TAFA5: variants seen among roughly 807,000 people sequenced by gnomAD.
The protein encoded by TAFA5 is TAFA chemokine like family member 5.
Under a neutral mutation model 15.3 loss-of-function variants are expected in TAFA5, and 6 were observed. The observed-to-expected ratio is 0.39, with a 90% CI of 0.21 to 0.77. The LOEUF (loss-of-function observed/expected upper bound fraction) is 0.77. TAFA5 is among the 30% of genes least tolerant of loss of function. The pLI is 0.41. For synonymous variants in TAFA5, 103 were observed against 80.7 expected, an observed-to-expected ratio of 1.28 and a Z score of -1.48; for missense variants, 161 against 193.1, an observed-to-expected ratio of 0.83 and a Z score of 0.98.
chr22:48,589,896 C>T (rs1016603071), intron 1 of TAFA5, among the ~76,000 whole-genome samples: 1 of 152,078 alleles, frequency 6.6e-6, no homozygotes, highest in Non-Finnish European at 1.5e-5. Flanking sequence ...TGTTTTTAAG[C>T]CACGAGTTTG....
chr22:48,711,707 C>T (rs1026468557), intron 3 of TAFA5, among the ~76,000 whole-genome samples: 2 of 152,210 alleles, frequency 1.3e-5, no homozygotes, highest in African/African-American at 4.8e-5. Context: ...AGAGACTCAG[C>T]GGATACTGAG....
At chr22:48,596,746 G>A (rs1050613788) in intron 1 of TAFA5, among the ~76,000 whole-genome samples, 5 of 152,144 alleles carry the variant, frequency 3.3e-5, no homozygotes, top group Non-Finnish European at 4.4e-5. Flanking sequence ...CACCGAGATC[G>A]TAGCATACAG....
intron 1 of TAFA5, among the ~76,000 whole-genome samples, chr22:48,590,228 C>T (rs555483049): frequency 1.3e-5 from 2 of 152,286 alleles, no homozygotes; most frequent in East Asian, 1.9e-4. Flanking sequence ...CTGGTTTTCC[C>T]GAGGAGATCG....
chr22:48,647,532 G>GA (rs1926909150), intron 2 of TAFA5, among the ~76,000 whole-genome samples: 1 of 152,154 alleles, frequency 6.6e-6, no homozygotes, highest in Non-Finnish European at 1.5e-5. Flanking sequence ...TGAGACCTGG[G>GA]AACCCCACAG....
intron 1 of TAFA5, among the ~76,000 whole-genome samples, chr22:48,535,975 G>A (rs1194881669): frequency 6.6e-6 from 1 of 152,252 alleles, no homozygotes; most frequent in East Asian, 1.9e-4. Context: ...ACGCGTATGG[G>A]CACTCATGCA....
chr22:48,528,512 C>G (rs1921857736), intron 1 of TAFA5, among the ~76,000 whole-genome samples: 1 of 152,160 alleles, frequency 6.6e-6, no homozygotes, highest in Admixed American at 6.5e-5. Flanking sequence ...CGGGGCCCAG[C>G]TCCCATCAAG....
At chr22:48,698,420 G>C (rs1928796298) in intron 2 of TAFA5, among the ~76,000 whole-genome samples, 1 of 151,200 alleles carries the variant, frequency 6.6e-6, no homozygotes, top group Non-Finnish European at 1.5e-5. Context: ...GATAATGATG[G>C]TGGTTGTGAT....
intron 2 of TAFA5, among the ~76,000 whole-genome samples, chr22:48,697,226 G>A (rs1209349111): frequency 6.6e-6 from 1 of 152,186 alleles, no homozygotes; most frequent in Non-Finnish European, 1.5e-5. Context: ...CTAAGGATGA[G>A]AGCCTTCACC....
chr22:48,645,585 C>T (rs1001398874), intron 1 of TAFA5, among the ~76,000 whole-genome samples: 1 of 152,010 alleles, frequency 6.6e-6, no homozygotes, highest in African/African-American at 2.4e-5. Flanking sequence ...ACTCTGCCCC[C>T]GGGGTCCTTC....
At chr22:48,706,223 G>A (rs1929073280) in intron 2 of TAFA5, among the ~76,000 whole-genome samples, 1 of 152,206 alleles carries the variant, frequency 6.6e-6, no homozygotes, top group Admixed American at 6.5e-5. Flanking sequence ...TGAGCCCCAG[G>A]AAGGAGGGAC....
intron 1 of TAFA5, among the ~76,000 whole-genome samples, chr22:48,576,928 C>G (rs989783644): frequency 6.6e-6 from 1 of 152,184 alleles, no homozygotes; most frequent in Admixed American, 6.5e-5. Flanking sequence ...GCCGCCGGGC[C>G]CTCGGTAGAT....
At chr22:48,694,207 C>T (rs1928630840) in intron 2 of TAFA5, among the ~76,000 whole-genome samples, 1 of 152,136 alleles carries the variant, frequency 6.6e-6, no homozygotes, top group African/African-American at 2.4e-5. Flanking sequence ...AATAAAATTC[C>T]AGTAATAAAT....
At chr22:48,636,890 G>T (rs922977666) in intron 1 of TAFA5, among the ~76,000 whole-genome samples, 4 of 152,238 alleles carry the variant, frequency 2.6e-5, no homozygotes, top group African/African-American at 9.6e-5. Flanking sequence ...AGGGCAGAGT[G>T]TAGTCCAGCT....
At chr22:48,518,172 G>C (rs898344089) in intron 1 of TAFA5, among the ~76,000 whole-genome samples, 1 of 152,150 alleles carries the variant, frequency 6.6e-6, no homozygotes, top group African/African-American at 2.4e-5. Context: ...CTCCACCCTC[G>C]GGTCCCAGGA....
intron 1 of TAFA5, among the ~76,000 whole-genome samples, chr22:48,518,875 T>A (rs778937090): frequency 1.3e-5 from 2 of 152,220 alleles, no homozygotes; most frequent in Non-Finnish European, 2.9e-5. Context: ...TTCACTCACC[T>A]GGAGGAGGGA....
At chr22:48,525,396 C>T (rs11090853) in intron 1 of TAFA5, among the ~76,000 whole-genome samples, 3,389 of 152,276 alleles carry the variant, frequency 0.022, 144 homozygotes, top group African/African-American at 0.077. Flanking sequence ...GACAGGTGCC[C>T]GCTGCCTGCT....
At position 48,742,312 on chromosome 22, in the gene TAFA5, C is replaced by T. The variant is rs1052374903; in HGVS notation, c.391-7527C>T. ...GGTTCGGGAAAAGAACTGACCCCCA[C>T]GAGGATGGTCCTGGTGTTGAGAAAC... On this transcript the variant is annotated intron_variant, in intron 3 of 3. Coordinates refer to ENST00000402357, the MANE Select transcript of TAFA5 (RefSeq NM_001082967.3). The surrounding 1 kb of genome is among the most constrained non-coding windows in gnomAD (Gnocchi z 6.2). Among the ~76,000 whole-genome samples the T allele has an allele frequency of 1.3e-5, 2 of 152,216 alleles. No individual in the cohort carries two copies. The highest frequency in any genetic ancestry group is 2.4e-5 in the African/African-American group (1 of 41,458).
intron 3 of TAFA5, among the ~76,000 whole-genome samples, chr22:48,708,977 C>T (rs751732776): frequency 2.6e-4 from 39 of 152,148 alleles, no homozygotes; most frequent in East Asian, 1.4e-3. Context: ...GGGGTTCTAA[C>T]GTAATTCGGG....
Position 48,489,694 on chromosome 22 carries a change from C to G in TAFA5, c.102C>G (p.Ile34Met). 1 of 1,509,502 alleles carries G rather than the reference C, an allele frequency of 6.6e-7. No individual in the cohort carries two copies. The highest frequency in any genetic ancestry group is 1.2e-5 in the South Asian group (1 of 80,498). 93.5% of individuals were successfully genotyped at this position (1,509,502 alleles called of 1,614,324 possible). ...TCATGATCCTGGCCAGCCTGCTCAT[C>G]GCCTACTGCAGTGAGTACCGCGCGG... ...WAFMILASLL[I>M]AYCSQLAAGT... The change falls in exon 1 of 4, where the codon ATC (isoleucine) becomes ATG (methionine). Residue 34 changes from isoleucine to methionine, a missense_variant. Transcript: ENST00000402357. This position sits in a 1 kb window ranked among gnomAD's most constrained non-coding sequence, Gnocchi z 5.5.
Sources: allele counts gnomAD v4.1 joint callset (sites outside exome capture counted in the v4.1 genomes callset), GRCh38; gene constraint gnomAD v4.1.1; non-coding constraint Gnocchi (gnomAD v3.1); transcripts MANE v1.5; gene names NCBI Gene and HGNC (gene_info 2026-07-23, HGNC 2026-07-21).